Variants in PTPRU observed in about 807,000 individuals in gnomAD.
PTPRU encodes receptor-type tyrosine-protein phosphatase U.
PTPRU carries 69 observed loss-of-function variants against 166.3 expected under a neutral mutation model. The ratio of observed to expected loss-of-function variants is 0.41; its 90% CI spans 0.34 to 0.51. The LOEUF is 0.51. Ranked by LOEUF, PTPRU falls within the 20% of genes least tolerant of loss-of-function variation. The pLI is 0.09. For synonymous variants in PTPRU, 793 were observed against 814.0 expected (o/e 0.97, Z 0.44); for missense variants, 1,657 against 2,013.7 (o/e 0.82, Z 3.39).
At chr1:29,261,761 G>A (rs1214248592) in intron 7 of PTPRU, among the ~76,000 whole-genome samples, 1 of 151,886 alleles carries the variant, frequency 6.6e-6, no homozygotes, top group African/African-American at 2.4e-5. Flanking sequence ...ACAAACTCCT[G>A]ACCTCAGGTG....
chr1:29,279,437 C>T lies in PTPRU; in HGVS notation c.1564-19C>T. 1 of 1,612,114 alleles carries T rather than the reference C, an allele frequency of 6.2e-7. No homozygotes were observed. The highest frequency in any genetic ancestry group is 8.5e-7 in the Non-Finnish European group (1 of 1,178,284). On this transcript the variant is annotated intron_variant, in intron 9 of 29. Transcript: ENST00000373779. This position sits in a 1 kb window ranked among gnomAD's most constrained non-coding sequence, Gnocchi z 5.2. ...CTCTGACCATCCAGTGCCCACCTGC[C>T]TGCCAATCCTGCCCCCAGATCAGCT...
At chr1:29,281,858 C>G (rs1056316446) in intron 11 of PTPRU, among the ~76,000 whole-genome samples, 3 of 152,136 alleles carry the variant, frequency 2.0e-5, no homozygotes, top group African/African-American at 7.2e-5. Flanking sequence ...AAGACGTGAC[C>G]GAGACTGTAA....
In PTPRU at chr1:29,314,877, C is replaced by A. The variant is rs143704651; in HGVS notation, c.3228-495C>A. Among the ~76,000 whole-genome samples the A allele has an allele frequency of 2.8e-3, 426 of 152,246 alleles. 8 individuals carry two copies. In the South Asian group the frequency reaches 0.034, roughly 12 times the overall value. ...TACAGGCCTGAGCCACCGTGCCTGG[C>A]CACGAAGAGTGTTTTAATAAAAACC... On this transcript the variant is annotated intron_variant, in intron 22 of 29. Coordinates refer to ENST00000373779, the MANE Select transcript of PTPRU (RefSeq NM_133178.4).
chr1:29,278,625 A>C (rs1685921408), intron 8 of PTPRU, among the ~76,000 whole-genome samples: 1 of 152,210 alleles, frequency 6.6e-6, no homozygotes, highest in Non-Finnish European at 1.5e-5. Context: ...ACCGCAATGC[A>C]ATTGCTGTTT....
chr1:29,259,832 C>A (rs774746393), intron 5 of PTPRU, 38 bp from the exon 6 acceptor site: 1 of 1,503,976 alleles, frequency 6.6e-7, no homozygotes, highest in South Asian at 1.3e-5. Flanking sequence ...ACCCCTCGCT[C>A]CGAGGCGCCC....
chr1:29,323,709 A>G lies in PTPRU; in HGVS notation c.4033A>G (p.Lys1345Glu). 6.2e-7 allele frequency: 1 copy of G among 1,614,130 alleles called. No individual in the cohort carries two copies. The highest frequency in any genetic ancestry group is 8.5e-7 in the Non-Finnish European group (1 of 1,179,996). The change falls in exon 28 of 30, where the codon AAG becomes GAG. Residue 1345 changes from lysine (K) to glutamate (E), a missense_variant. By Grantham distance (56) the Lys-to-Glu change is moderately conservative (BLOSUM62 1). Transcript: ENST00000373779. ...ATACCGGGACACACCTGACTCCAAGAAGGCCTTCTTGCACCTGCTGGCTGA... is the reference window on the plus strand; with the variant it reads ...ATACCGGGACACACCTGACTCCAAGGAGGCCTTCTTGCACCTGCTGGCTGA... ...SAYRDTPDSK[K>E]AFLHLLAEVD...
chr1:29,280,775 G>A lies in PTPRU; in HGVS notation c.1868+634G>A, dbSNP rs1254555289. Among the ~76,000 whole-genome samples, 1 of 152,126 alleles carries A rather than the reference G, an allele frequency of 6.6e-6. No individual in the cohort carries two copies. The highest frequency in any genetic ancestry group is 3.2e-3 in the Middle Eastern group (1 of 316). ...AGGCGTATATGGGAGACATAAGTGT[G>A]CATGTGTGTGAGAGTGTGAGGGTGT... is the stretch of plus-strand genomic sequence containing the variant. On this transcript the variant is annotated intron_variant, in intron 11 of 29. Coordinates refer to ENST00000373779, the MANE Select transcript of PTPRU (RefSeq NM_133178.4). The surrounding 1 kb of genome is among the most constrained non-coding windows in gnomAD (Gnocchi z 4.2).
intron 11 of PTPRU, among the ~76,000 whole-genome samples, chr1:29,281,023 C>T (rs764403158): frequency 3.9e-5 from 6 of 152,150 alleles, no homozygotes; most frequent in African/African-American, 9.7e-5. Flanking sequence ...TGTGCCTGTA[C>T]CTTTTCTAGA....
chr1:29,305,318 G>A (rs1171456136), intron 17 of PTPRU, 34 bp from the exon 18 acceptor site: 2 of 1,609,176 alleles, frequency 1.2e-6, no homozygotes, highest in African/African-American at 1.3e-5. Context: ...GGGCTCCCCA[G>A]TTCAGCCCCT....
Position 29,303,969 on chromosome 1 carries a change from T to C in PTPRU, c.2591T>C (p.Val864Ala). ...PYHTGQLHPA[V>A]RVADLLQHIN... ...CACACGGGGCAGCTGCACCCTGCGG[T>C]GCGTGTCGCAGACCTTCTGCAGCAC... Residue 864 changes from valine to alanine, a missense_variant, in exon 16 of 30, where the codon GTG becomes GCG. Physicochemically the swap from Val to Ala is moderately conservative, Grantham distance 64. This residue lies in a region of PTPRU where 1,190 missense variants were observed against 1,477.4 expected (regional missense o/e 0.81). Coordinates refer to ENST00000373779, the MANE Select transcript of PTPRU (RefSeq NM_133178.4). The C allele has an allele frequency of 6.2e-7, 1 of 1,613,788 alleles. No homozygotes were observed. The highest frequency in any genetic ancestry group is 2.2e-5 in the East Asian group (1 of 44,878).
At chr1:29,318,359 G>A (rs192075089) in intron 25 of PTPRU, among the ~76,000 whole-genome samples, 5 of 152,322 alleles carry the variant, frequency 3.3e-5, no homozygotes, top group Non-Finnish European at 4.4e-5. Context: ...CCCTGGGTGG[G>A]CATGGGCCCT....
chr1:29,304,089 A>G lies in PTPRU; in HGVS notation c.2667+44A>G, dbSNP rs148263664. The G allele has an allele frequency of 1.3e-3, 1,973 of 1,571,888 alleles. 20 individuals are homozygous for G. The African/African-American group carries it at 0.024, about 19-fold the overall frequency. ...CCAGCAGGATCCCTGCAGAGGCCTC[A>G]CCTGGCTCTTACTCTCTGTGGACTC... On this transcript the variant is annotated intron_variant, in intron 16 of 29. Coordinates refer to ENST00000373779, the MANE Select transcript of PTPRU (RefSeq NM_133178.4).
chr1:29,304,917 C>A, intron 17 of PTPRU, 68 bp downstream of exon 17: 1 of 1,431,926 alleles, frequency 7.0e-7, no homozygotes, highest in Non-Finnish European at 9.7e-7. Flanking sequence ...GGGAACACAG[C>A]CAGGGTGAGC....
At chr1:29,274,500 AG>A (rs1449750197) in intron 7 of PTPRU, among the ~76,000 whole-genome samples, 1 of 152,142 alleles carries the variant, frequency 6.6e-6, no homozygotes, top group Non-Finnish European at 1.5e-5. Context: ...CCTTATCTTT[AG>A]ACCTCCACAT....
At position 29,311,693 on chromosome 1, in the gene PTPRU, C is replaced by T. The variant is rs746150522; in HGVS notation, c.3006C>T (p.Ile1002=). 1 of 1,614,188 alleles carries T rather than the reference C, an allele frequency of 6.2e-7. No individual in the cohort carries two copies. Among genetic ancestry groups the T allele is most frequent in the African/African-American group, 1.3e-5 (1 of 75,032 alleles). The part of the protein sequence containing the change: ...WPEDSDTYGD[I]KIMLVKTETL... The stretch of plus-strand genomic sequence containing the variant: ...AGGACTCAGACACCTACGGGGACAT[C>T]AAGATTATGCTGGTGAAGACAGAGA... The change falls in exon 21 of 30, where the codon ATC becomes ATT. Residue 1002 remains isoleucine (I), a synonymous_variant. Coordinates refer to ENST00000373779, the MANE Select transcript of PTPRU (RefSeq NM_133178.4). This position sits in a 1 kb window ranked among gnomAD's most constrained non-coding sequence, Gnocchi z 4.1.
rs1194869298 is a variant in PTPRU at position 29,318,618 on chromosome 1, A to G, written c.3687+697A>G. 2.0e-5 allele frequency among the ~76,000 whole-genome samples: 3 copies of G among 152,214 alleles called. 1 individual carries two copies. Among genetic ancestry groups the G allele is most frequent in the Admixed American group, 2.0e-4 (3 of 15,280 alleles). On this transcript the variant is annotated intron_variant, in intron 25 of 29. Coordinates refer to ENST00000373779, the MANE Select transcript of PTPRU (RefSeq NM_133178.4). Reference sequence around the variant, plus strand: ...CACGGGTGGAGATCATATGTTATAGATAAAACTGGAGATGGAGTTTGAGAT... The same window carrying G: ...CACGGGTGGAGATCATATGTTATAGGTAAAACTGGAGATGGAGTTTGAGAT...
chr1:29,259,163 T>C (rs1374749130), intron 3 of PTPRU, 98 bp from the exon 4 acceptor site: 12 of 1,294,138 alleles, frequency 9.3e-6, no homozygotes, highest in Non-Finnish European at 1.2e-5. Flanking sequence ...CCTCTGCTAG[T>C]TGAGGCAGAG....
At chr1:29,305,266 A>G (rs1325484796) in intron 17 of PTPRU, 86 bp from the exon 18 acceptor site, 18 of 1,335,062 alleles carry the variant, frequency 1.3e-5, no homozygotes, top group Non-Finnish European at 1.7e-5. Context: ...CCTGTGCCCT[A>G]TCCCCTAGCC....
chr1:29,280,229 C>A lies in PTPRU; in HGVS notation c.1868+88C>A. On this transcript the variant is annotated intron_variant, in intron 11 of 29. Coordinates refer to ENST00000373779, the MANE Select transcript of PTPRU (RefSeq NM_133178.4). The surrounding 1 kb of genome is among the most constrained non-coding windows in gnomAD (Gnocchi z 4.2). Reference sequence around the variant, plus strand: ...CCCAGAGCCCCATCCCAGGCCAGCTCACCCTTTTCCTCCCTCAGTCTCCCA... The same window carrying A: ...CCCAGAGCCCCATCCCAGGCCAGCTAACCCTTTTCCTCCCTCAGTCTCCCA... 1 of 1,284,270 alleles carries A rather than the reference C, an allele frequency of 7.8e-7. No individual in the cohort carries two copies. The allele number at this position is 1,284,270 out of a possible 1,614,324, so 79.6% of individuals were successfully genotyped here.
Sources: gnomAD v4.1 joint callset for allele counts (sites outside exome capture counted in the v4.1 genomes callset) on GRCh38, gnomAD v4.1.1 for gene constraint, gnomAD v4.1.1 regional missense constraint, Gnocchi (gnomAD v3.1) non-coding constraint, MANE v1.5 for transcripts, NCBI Gene and HGNC (gene_info 2026-07-23, HGNC 2026-07-21) for gene names.